DNM3: variants seen among roughly 807,000 people sequenced by gnomAD.
DNM3 encodes the protein dynamin-3.
A neutral mutation model predicts 101.6 loss-of-function variants in DNM3; 47 were observed. The ratio of observed to expected loss-of-function variants is 0.46; its 90% confidence interval spans 0.37 to 0.59. The LOEUF is 0.59. Among genes scored for constraint, DNM3 ranks in the 20% least tolerant of loss-of-function variants. The pLI, the probability that DNM3 is intolerant of heterozygous loss-of-function variation, is 0.00. For synonymous variants in DNM3, 385 were observed against 387.9 expected (o/e 0.99, Z 0.09); for missense variants, 849 against 1,085.7 (o/e 0.78, Z 3.06).
rs1486507306 is a variant in DNM3 at position 172,402,013 on chromosome 1, G to A, written c.2523-5759G>A. Among the ~76,000 whole-genome samples, 7 of 152,212 alleles carry A rather than the reference G, an allele frequency of 4.6e-5. No homozygotes were observed. The South Asian group carries it at 6.2e-4, about 14-fold the overall frequency. ...TTTACCTAGAAGTGTGCTCCAACCC[G>A]ATTTATCTTTGGGCCCATTCACACT... On this transcript the variant is annotated intron_variant, in intron 20 of 20. Transcript: ENST00000627582.
At chr1:172,078,705 T>G (rs2125980170) in intron 11 of DNM3, among the ~76,000 whole-genome samples, 1 of 152,336 alleles carries the variant, frequency 6.6e-6, no homozygotes, top group African/African-American at 2.4e-5. Flanking sequence ...TTGATGCAGT[T>G]TCTTTATAGT....
At chr1:172,268,430 A>G (rs1278124715) in intron 15 of DNM3, among the ~76,000 whole-genome samples, 1 of 152,156 alleles carries the variant, frequency 6.6e-6, no homozygotes, top group Non-Finnish European at 1.5e-5. Flanking sequence ...TGCTTGTTAC[A>G]AGTTTCCCAA....
At chr1:171,847,884 C>G (rs1391122941) in intron 1 of DNM3, among the ~76,000 whole-genome samples, 34 of 42,474 alleles carry the variant, frequency 8.0e-4, no homozygotes, top group African/African-American at 3.7e-3. Context: ...TAATTACTCT[C>G]TCTCTCTCTC....
intron 17 of DNM3, among the ~76,000 whole-genome samples, chr1:172,368,692 G>C (rs1291838208): frequency 6.6e-6 from 1 of 151,450 alleles, no homozygotes; most frequent in Non-Finnish European, 1.5e-5. Context: ...TTTCTGAAAA[G>C]ATAAACAGAA....
intron 15 of DNM3, among the ~76,000 whole-genome samples, chr1:172,307,826 A>T (rs2064903594): frequency 6.6e-6 from 1 of 152,020 alleles, no homozygotes; most frequent in Non-Finnish European, 1.5e-5. Flanking sequence ...TGAACAATGG[A>T]ATACTTGGAC....
At chr1:172,084,217 G>A (rs1289163789) in intron 12 of DNM3, among the ~76,000 whole-genome samples, 1 of 152,028 alleles carries the variant, frequency 6.6e-6, no homozygotes, top group Non-Finnish European at 1.5e-5. Flanking sequence ...ATTGTCAGAA[G>A]ATCAAATTAA....
chr1:172,391,006 C>T (rs2149085899), intron 20 of DNM3, among the ~76,000 whole-genome samples: 1 of 152,256 alleles, frequency 6.6e-6, no homozygotes, highest in Non-Finnish European at 1.5e-5. Context: ...ACTTGTTAAG[C>T]AGGGTGGAGT....
At chr1:172,272,227 T>C (rs1484132123) in intron 15 of DNM3, among the ~76,000 whole-genome samples, 1 of 152,112 alleles carries the variant, frequency 6.6e-6, no homozygotes, top group Non-Finnish European at 1.5e-5. Flanking sequence ...CATGGAATAT[T>C]AAAATTTAAT....
chr1:172,131,378 C>T (rs2056927472), intron 14 of DNM3, 90 bp downstream of exon 14: 2 of 1,071,092 alleles, frequency 1.9e-6, no homozygotes, highest in South Asian at 2.9e-5. Context: ...TTTTGAGACA[C>T]CAGTGGTTCT....
chr1:172,115,847 C>T (rs377727922), intron 13 of DNM3, among the ~76,000 whole-genome samples: 4 of 152,094 alleles, frequency 2.6e-5, no homozygotes, highest in Middle Eastern at 3.2e-3. Flanking sequence ...TAGATTGCTT[C>T]GTTTTTTCAC....
intron 15 of DNM3, among the ~76,000 whole-genome samples, chr1:172,297,142 C>CAAA (rs767532426): frequency 1.3e-4 from 14 of 110,972 alleles, no homozygotes; most frequent in Middle Eastern, 5.2e-3. Flanking sequence ...AACTCCATCT[C>CAAA]AAAAAAAAAA....
chr1:172,305,535 G>A (rs922246098), intron 15 of DNM3, among the ~76,000 whole-genome samples: 1 of 152,286 alleles, frequency 6.6e-6, no homozygotes, highest in Non-Finnish European at 1.5e-5. Context: ...CATTTCATGA[G>A]TCCAGCATCA....
At chr1:172,308,912 TA>T in intron 16 of DNM3, 73 bp downstream of exon 16, 2 of 815,968 alleles carry the variant, frequency 2.5e-6, no homozygotes, top group Non-Finnish European at 3.7e-6. Flanking sequence ...CTACATACCA[TA>T]AGCTGGAGAA....
At chr1:172,382,809 G>A (rs916061341) in intron 18 of DNM3, among the ~76,000 whole-genome samples, 5 of 152,038 alleles carry the variant, frequency 3.3e-5, no homozygotes, top group Admixed American at 6.6e-5. Flanking sequence ...GAATGTAAAC[G>A]TTCTTAGGAA....
intron 10 of DNM3, among the ~76,000 whole-genome samples, chr1:172,066,047 A>T (rs2051631306): frequency 6.6e-6 from 1 of 152,160 alleles, no homozygotes; most frequent in African/African-American, 2.4e-5. Flanking sequence ...ACCTCAGGTG[A>T]CCATACAGAA....
At chr1:172,165,175 G>A (rs893955504) in intron 14 of DNM3, among the ~76,000 whole-genome samples, 22 of 151,988 alleles carry the variant, frequency 1.4e-4, no homozygotes, top group Non-Finnish European at 2.9e-4. Context: ...CAAAAATACA[G>A]CTTTACTGGG....
intron 14 of DNM3, among the ~76,000 whole-genome samples, chr1:172,167,189 G>A (rs183722376): frequency 2.1e-4 from 32 of 152,094 alleles, no homozygotes; most frequent in African/African-American, 7.2e-4. Flanking sequence ...CTGTCCTTGC[G>A]ATAGTTTGCT....
At chr1:171,885,866 G>T (rs1427594745) in intron 1 of DNM3, among the ~76,000 whole-genome samples, 5 of 152,154 alleles carry the variant, frequency 3.3e-5, no homozygotes, top group Admixed American at 6.6e-5. Flanking sequence ...TGAGGGTTAG[G>T]GGGTGGATAG....
At chr1:172,296,910 A>G (rs537765496) in intron 15 of DNM3, among the ~76,000 whole-genome samples, 1 of 152,318 alleles carries the variant, frequency 6.6e-6, no homozygotes, top group South Asian at 2.1e-4. Flanking sequence ...TGGGAGGCCA[A>G]GGCGGACTGA....
Sources: allele counts gnomAD v4.1 joint callset (sites outside exome capture counted in the v4.1 genomes callset), GRCh38; gene constraint gnomAD v4.1.1; transcripts MANE v1.5; gene names NCBI Gene and HGNC (gene_info 2026-07-23, HGNC 2026-07-21).